HMGB1: variants seen among roughly 807,000 people sequenced by gnomAD.
HMGB1 encodes the protein high mobility group protein B1.
For synonymous variants in HMGB1, 81 were observed against 84.0 expected, an observed-to-expected ratio of 0.96 and a Z score of 0.19; for missense variants, 79 against 253.5, an observed-to-expected ratio of 0.31 and a Z score of 4.67.
chr13:30,533,743 C>T (rs1476512432), intron 1 of HMGB1, among the ~76,000 whole-genome samples: 1 of 151,862 alleles, frequency 6.6e-6, no homozygotes, highest in Admixed American at 6.6e-5. Context: ...AAAACTAAAA[C>T]AGAAGTGTCA....
chr13:30,600,407 A>G (rs1950387393), intron 1 of HMGB1, among the ~76,000 whole-genome samples: 1 of 151,500 alleles, frequency 6.6e-6, no homozygotes, highest in Non-Finnish European at 1.5e-5. Context: ...TAAGATAATA[A>G]GACAAATAGC....
intron 1 of HMGB1, among the ~76,000 whole-genome samples, chr13:30,585,352 A>C (rs566049179): frequency 7.2e-6 from 1 of 139,626 alleles, no homozygotes; most frequent in Non-Finnish European, 1.5e-5. Context: ...ACAAACAAAC[A>C]AAAAAACCCA....
At chr13:30,477,280 C>T (rs1887119790) in intron 1 of HMGB1, among the ~76,000 whole-genome samples, 1 of 144,952 alleles carries the variant, frequency 6.9e-6, no homozygotes, top group Middle Eastern at 3.4e-3. Flanking sequence ...CGATGGACTC[C>T]GATTTTTTTT....
chr13:30,478,180 A>G (rs922112597), intron 1 of HMGB1, among the ~76,000 whole-genome samples: 2 of 152,170 alleles, frequency 1.3e-5, no homozygotes, highest in Non-Finnish European at 2.9e-5. Context: ...TTCAGAAATA[A>G]GTAAAAAGTG....
chr13:30,534,333 C>T (rs1178360367), intron 1 of HMGB1, among the ~76,000 whole-genome samples: 1 of 152,206 alleles, frequency 6.6e-6, no homozygotes, highest in Non-Finnish European at 1.5e-5. Flanking sequence ...ACTTTAGCCT[C>T]CCATGGCTCC....
chr13:30,461,635 A>C, intron 4 of HMGB1, 102 bp from the exon 5 acceptor site: 1 of 1,586,182 alleles, frequency 6.3e-7, no homozygotes, highest in Non-Finnish European at 8.6e-7. Context: ...GATTCTAGTT[A>C]TACCAAAATA....
chr13:30,464,755 T>C (rs1163710683), intron 1 of HMGB1: 1 of 287,376 alleles, frequency 3.5e-6, no homozygotes, highest in Admixed American at 1.2e-4. Context: ...ATATGGCTCC[T>C]TCCCTTTGTG....
At chr13:30,603,984 G>A (rs1950428936) in intron 1 of HMGB1, among the ~76,000 whole-genome samples, 1 of 152,186 alleles carries the variant, frequency 6.6e-6, no homozygotes, top group Admixed American at 6.5e-5. Context: ...ACGACTGTAT[G>A]CATTTTGACA....
upstream of HMGB1, among the ~76,000 whole-genome samples, chr13:30,470,917 G>A (rs1392561746): frequency 1.3e-5 from 2 of 151,796 alleles, no homozygotes; most frequent in Non-Finnish European, 2.9e-5. Flanking sequence ...CCAAAGTGCT[G>A]GGATTACAGG....
chr13:30,583,867 G>GAAAGAAAGAAAGAA (rs1490243639), intron 1 of HMGB1, among the ~76,000 whole-genome samples: 1 of 146,022 alleles, frequency 6.8e-6, no homozygotes, highest in African/African-American at 2.5e-5. Flanking sequence ...AAGAAAGAAA[G>GAAAGAAAGAAAGAA]AAGAAATCCT....
intron 1 of HMGB1, among the ~76,000 whole-genome samples, chr13:30,519,370 G>T (rs1888176979): frequency 6.9e-6 from 1 of 144,332 alleles, no homozygotes; most frequent in African/African-American, 2.6e-5. Context: ...TCTAGCCTGA[G>T]TGACAGAGTG....
intron 1 of HMGB1, among the ~76,000 whole-genome samples, chr13:30,615,969 C>G (rs1263089754): frequency 1.3e-5 from 2 of 152,194 alleles, no homozygotes; most frequent in Admixed American, 6.5e-5. Flanking sequence ...ACGCAATTAG[C>G]TTTAATCCCA....
chr13:30,555,017 T>G (rs1418562430), intron 1 of HMGB1, among the ~76,000 whole-genome samples: 1 of 148,210 alleles, frequency 6.7e-6, no homozygotes, highest in Non-Finnish European at 1.5e-5. Context: ...GAACCTTACA[T>G]TGGATGTGTC....
chr13:30,577,363 C>G (rs1171574603), intron 1 of HMGB1, among the ~76,000 whole-genome samples: 1 of 150,494 alleles, frequency 6.6e-6, no homozygotes, highest in African/African-American at 2.4e-5. Context: ...AAAAAAAAGG[C>G]CATATATAGC....
At chr13:30,555,500 C>T (rs1212919491) in intron 1 of HMGB1, among the ~76,000 whole-genome samples, 1 of 151,938 alleles carries the variant, frequency 6.6e-6, no homozygotes, top group African/African-American at 2.4e-5. Context: ...ACTACTTGTC[C>T]CATCAGTTTC....
chr13:30,578,368 C>CTTTTTTTTTTTT (rs60947686), intron 1 of HMGB1, among the ~76,000 whole-genome samples: 14 of 59,324 alleles, frequency 2.4e-4, no homozygotes, highest in South Asian at 1.3e-3. Flanking sequence ...AGTTCTTGTT[C>CTTTTTTTTTTTT]TTTTTTTTTT....
chr13:30,554,808 T>C (rs1393870870), intron 1 of HMGB1: 31 of 761,330 alleles, frequency 4.1e-5, no homozygotes, highest in Non-Finnish European at 6.8e-5. Flanking sequence ...AAGGCCAAGA[T>C]AGACACCTAA....
At chr13:30,550,855 G>A (rs1869394094) in intron 1 of HMGB1, among the ~76,000 whole-genome samples, 1 of 152,194 alleles carries the variant, frequency 6.6e-6, no homozygotes, top group African/African-American at 2.4e-5. Flanking sequence ...AGAAATACAT[G>A]TACTTTCTAA....
intron 1 of HMGB1, among the ~76,000 whole-genome samples, chr13:30,476,198 C>T (rs1887094427): frequency 7.3e-6 from 1 of 137,586 alleles, no homozygotes; most frequent in African/African-American, 2.7e-5. Flanking sequence ...GAGTCTTACT[C>T]TTTTGCCCAG....
Sources: allele counts gnomAD v4.1 joint callset (sites outside exome capture counted in the v4.1 genomes callset), GRCh38; gene constraint gnomAD v4.1.1; transcripts MANE v1.5; gene names NCBI Gene and HGNC (gene_info 2026-07-23, HGNC 2026-07-21).